Variants in EFCAB6 observed in about 807,000 individuals in gnomAD.
EFCAB6 encodes EF-hand calcium-binding domain-containing protein 6.
Under a neutral mutation model 169.8 loss-of-function variants are expected in EFCAB6, and 156 were observed. The observed-to-expected ratio is 0.92, with a 90% CI of 0.81 to 1.05. The LOEUF (loss-of-function observed/expected upper bound fraction) is 1.05, where lower values mean the gene tolerates loss of function less well. Among genes scored for constraint, EFCAB6 ranks in the 50% least tolerant of loss-of-function variants. The probability of loss-of-function intolerance (pLI) is 0.00; values close to 1 mark genes in which losing one functional copy is unlikely to be tolerated. For missense variants in EFCAB6, 1,800 were observed against 1,829.1 expected (o/e 0.98, Z 0.29); for synonymous variants, 698 against 676.4 (o/e 1.03, Z -0.50).
At chr22:43,592,902 C>T (rs923750324) in intron 23 of EFCAB6, among the ~76,000 whole-genome samples, 1 of 151,974 alleles carries the variant, frequency 6.6e-6, no homozygotes, top group African/African-American at 2.4e-5. Flanking sequence ...AAAATAAATG[C>T]AAGAAGAAAA....
At chr22:43,719,733 C>T (rs1210444808) in intron 8 of EFCAB6, among the ~76,000 whole-genome samples, 1 of 152,100 alleles carries the variant, frequency 6.6e-6, no homozygotes, top group Non-Finnish European at 1.5e-5. Context: ...GAAAACAGTA[C>T]CTTTGTCATG....
chr22:43,533,152 A>G (rs755098875), intron 30 of EFCAB6, among the ~76,000 whole-genome samples: 6 of 152,212 alleles, frequency 3.9e-5, no homozygotes, highest in Non-Finnish European at 7.3e-5. Context: ...AAGTGGCTTT[A>G]GGTTTTCATT....
chr22:43,652,742 TA>T (rs1345847814), intron 17 of EFCAB6, among the ~76,000 whole-genome samples: 1 of 149,432 alleles, frequency 6.7e-6, no homozygotes, highest in African/African-American at 2.5e-5. Context: ...CAGAACCATA[TA>T]ACCCAATATC....
intron 26 of EFCAB6, among the ~76,000 whole-genome samples, chr22:43,562,860 GAGGCAGCCCAGGT>G (rs2049157189): frequency 6.6e-6 from 1 of 152,002 alleles, no homozygotes; most frequent in African/African-American, 2.4e-5. Context: ...GGATGGGAGG[GAGGCAGCCCAGGT>G]CACAGGTGGG....
intron 2 of EFCAB6, among the ~76,000 whole-genome samples, chr22:43,792,737 G>C (rs1195471011): frequency 6.6e-6 from 1 of 152,210 alleles, no homozygotes; most frequent in African/African-American, 2.4e-5. Context: ...CCCAAGGCTG[G>C]AGACTAAGCC....
At chr22:43,680,838 A>C (rs1185786139) in intron 12 of EFCAB6, among the ~76,000 whole-genome samples, 1 of 152,262 alleles carries the variant, frequency 6.6e-6, no homozygotes, top group African/African-American at 2.4e-5. Context: ...TAGTTCTAGC[A>C]GTATGTGTGA....
At chr22:43,727,076 AG>A (rs1450220245) in intron 8 of EFCAB6, among the ~76,000 whole-genome samples, 1 of 152,228 alleles carries the variant, frequency 6.6e-6, no homozygotes, top group Admixed American at 6.5e-5. Flanking sequence ...TTGAAAAAAA[AG>A]TTTTAAAACC....
chr22:43,791,442 T>C (rs1279034349), intron 2 of EFCAB6, among the ~76,000 whole-genome samples: 1 of 150,462 alleles, frequency 6.6e-6, no homozygotes, highest in Non-Finnish European at 1.5e-5. Context: ...GATAGTCCCA[T>C]CAAGAAAGTA....
intron 19 of EFCAB6, among the ~76,000 whole-genome samples, chr22:43,629,916 CG>C (rs2054812290): frequency 6.6e-6 from 1 of 152,132 alleles, no homozygotes; most frequent in South Asian, 2.1e-4. Context: ...GAGTCCAAGA[CG>C]AATTGTGAAG....
intron 17 of EFCAB6, among the ~76,000 whole-genome samples, chr22:43,645,117 G>C (rs1315623374): frequency 6.6e-6 from 1 of 152,076 alleles, no homozygotes; most frequent in Non-Finnish European, 1.5e-5. Flanking sequence ...CACATACGGA[G>C]GTCTTGTGTA....
In EFCAB6 at chr22:43,704,716, C is replaced by T. The variant is rs145403962; in HGVS notation, c.1031+6759G>A. 3.0e-3 allele frequency among the ~76,000 whole-genome samples: 450 copies of T among 152,082 alleles called. 1 individual carries two copies. The highest frequency in any genetic ancestry group is 0.01 in the African/African-American group (427 of 41,498). On this transcript the variant is annotated intron_variant, in intron 10 of 31. Transcript: ENST00000262726. The stretch of plus-strand genomic sequence containing the variant: ...GGACTATGTAAGTATAAAATTTCTA[C>T]GCAAGCCTCATGGTAACAACAAAAC...
intron 10 of EFCAB6, among the ~76,000 whole-genome samples, chr22:43,700,316 G>GT (rs1222022532): frequency 1.3e-5 from 2 of 151,428 alleles, no homozygotes; most frequent in African/African-American, 4.8e-5. Flanking sequence ...AAAGATATCT[G>GT]TTTTTTGTAC....
intron 5 of EFCAB6, among the ~76,000 whole-genome samples, chr22:43,756,790 G>A (rs1353516797): frequency 1.3e-5 from 2 of 152,210 alleles, no homozygotes; most frequent in Non-Finnish European, 2.9e-5. Flanking sequence ...GGTAGCAGAA[G>A]GTCTCTCTGG....
intron 21 of EFCAB6, 38 bp from the exon 22 acceptor site, chr22:43,608,638 A>G (rs2053090661): frequency 1.3e-6 from 2 of 1,587,756 alleles, no homozygotes; most frequent in Non-Finnish European, 1.7e-6. Context: ...AACATGTGAA[A>G]TGTGCGTATG....
intron 18 of EFCAB6, among the ~76,000 whole-genome samples, chr22:43,634,591 G>C (rs895228734): frequency 6.6e-6 from 1 of 151,652 alleles, no homozygotes; most frequent in Non-Finnish European, 1.5e-5. Flanking sequence ...AATGTCTTTG[G>C]TGTGTGAGAA....
At chr22:43,569,089 G>A (rs1183748936) in intron 26 of EFCAB6, among the ~76,000 whole-genome samples, 4 of 152,210 alleles carry the variant, frequency 2.6e-5, no homozygotes, top group Non-Finnish European at 1.5e-5. Context: ...CACATGCCGA[G>A]TGCCTACCCT....
chr22:43,677,731 T>C (rs773117067), intron 13 of EFCAB6, among the ~76,000 whole-genome samples: 3 of 152,008 alleles, frequency 2.0e-5, no homozygotes, highest in Non-Finnish European at 2.9e-5. Flanking sequence ...GCTGTTGAGG[T>C]GGCGCCAGTT....
chr22:43,564,843 CTT>C (rs974755675), intron 26 of EFCAB6, among the ~76,000 whole-genome samples: 2 of 152,212 alleles, frequency 1.3e-5, no homozygotes, highest in Admixed American at 1.3e-4. Flanking sequence ...TCCTGAACGA[CTT>C]CTATGGATGA....
intron 10 of EFCAB6, 77 bp from the exon 11 acceptor site, chr22:43,687,658 G>T: frequency 1.3e-6 from 1 of 779,458 alleles, no homozygotes; most frequent in African/African-American, 1.8e-5. Context: ...GGTACTTAAT[G>T]TTGAATTGAA....
Sources: allele counts gnomAD v4.1 joint callset (sites outside exome capture counted in the v4.1 genomes callset), GRCh38; gene constraint gnomAD v4.1.1; transcripts MANE v1.5; gene names NCBI Gene and HGNC (gene_info 2026-07-23, HGNC 2026-07-21).